Variants in BAZ2B observed in about 807,000 individuals in gnomAD.
BAZ2B encodes the protein bromodomain adjacent to zinc finger domain protein 2B.
Under a neutral mutation model 246.0 loss-of-function variants are expected in BAZ2B, and 91 were observed. The ratio of observed to expected loss-of-function variants is 0.37; its 90% confidence interval spans 0.31 to 0.44. The LOEUF (loss-of-function observed/expected upper bound fraction) is 0.44, where lower values mean the gene tolerates loss of function less well. Ranked by LOEUF, BAZ2B falls within the 20% of genes least tolerant of loss-of-function variation. BAZ2B has a pLI of 1.00. For missense variants in BAZ2B, 2,332 were observed against 2,533.7 expected (o/e 0.92, Z 1.71); for synonymous variants, 855 against 860.0 (o/e 0.99, Z 0.10).
chr2:159,676,775 G>T, the BAZ2B span, among the ~76,000 whole-genome samples: 1 of 151,766 alleles, frequency 6.6e-6, no homozygotes, highest in South Asian at 2.1e-4. Context: ...GGGAGTTATG[G>T]CTAAATGGTT....
At chr2:159,497,313 T>C (rs1577792041) in intron 2 of BAZ2B, among the ~76,000 whole-genome samples, 1 of 152,192 alleles carries the variant, frequency 6.6e-6, no homozygotes, top group African/African-American at 2.4e-5. Flanking sequence ...ACAGTTTTCA[T>C]AAAAGTTCCA....
chr2:159,637,757 T>A, the BAZ2B span, among the ~76,000 whole-genome samples: 1 of 152,114 alleles, frequency 6.6e-6, no homozygotes, highest in Admixed American at 6.5e-5. Context: ...AGACAGGGTT[T>A]CACCATGTTG....
chr2:159,593,692 T>C (rs1689929134), intron 1 of BAZ2B, among the ~76,000 whole-genome samples: 1 of 152,206 alleles, frequency 6.6e-6, no homozygotes, highest in Non-Finnish European at 1.5e-5. Flanking sequence ...GTCCAGCATA[T>C]CTACTCTATA....
At chr2:159,597,501 C>T (rs1178579094) in intron 1 of BAZ2B, among the ~76,000 whole-genome samples, 1 of 152,186 alleles carries the variant, frequency 6.6e-6, no homozygotes, top group Non-Finnish European at 1.5e-5. Context: ...TAGCTTCCTC[C>T]TCAGGTATGA....
chr2:159,414,536 G>A (rs2067330604), intron 13 of BAZ2B, among the ~76,000 whole-genome samples: 1 of 152,122 alleles, frequency 6.6e-6, no homozygotes, highest in Non-Finnish European at 1.5e-5. Context: ...ATCTCATGTG[G>A]CCGGGCGCGG....
In BAZ2B at chr2:159,438,461, C is replaced by G. The variant is rs1392077488; in HGVS notation, c.1135G>C (p.Gly379Arg). The G allele has an allele frequency of 6.2e-7, 1 of 1,614,038 alleles. No individual in the cohort carries two copies. Among genetic ancestry groups the G allele is most frequent in the Non-Finnish European group, 8.5e-7 (1 of 1,180,036 alleles). The change falls in exon 8 of 37, where the codon GGA becomes CGA. Residue 379 changes from glycine to arginine, a missense_variant. Transcript: ENST00000392783. The stretch of plus-strand genomic sequence containing the variant: ...AAAGGTTTCACATTGGACACCAATC[C>G]CGTAGACTGTATTACACTGGTGTGT... ...NKHTSVIQST[G>R]LVSNVKPLSL...
intron 2 of BAZ2B, among the ~76,000 whole-genome samples, chr2:159,495,280 T>G (rs982349264): frequency 1.3e-5 from 2 of 150,800 alleles, no homozygotes; most frequent in African/African-American, 4.9e-5. Context: ...GGTCAGGAGA[T>G]CGAGACCATC....
chr2:159,692,965 T>C, the BAZ2B span, among the ~76,000 whole-genome samples: 1 of 152,264 alleles, frequency 6.6e-6, no homozygotes, highest in African/African-American at 2.4e-5. Context: ...CGTGCCACCA[T>C]GCCAGTTAAT....
At chr2:159,338,204 C>G (rs1020341548) in intron 31 of BAZ2B, among the ~76,000 whole-genome samples, 1 of 152,078 alleles carries the variant, frequency 6.6e-6, no homozygotes, top group African/African-American at 2.4e-5. Context: ...TTCAAATATG[C>G]TATTACCTTT....
Position 159,431,134 on chromosome 2 carries a change from T to A in BAZ2B, c.1923A>T (p.Ser641=), listed in dbSNP as rs1209519866. The change falls in exon 10 of 37, where the codon TCA becomes TCT. Residue 641 remains serine (S), a synonymous_variant. Transcript: ENST00000392783. ...SQSESDSNSE[S]DTEGSEEEDD... ...CTTCTTCTTCTGATCCTTCTGTATC[T>A]GATTCTGAATTACTATCTGATTCTG... The A allele has an allele frequency of 3.1e-6, 5 of 1,606,424 alleles. No homozygotes were observed. Among genetic ancestry groups the A allele is most frequent in the East Asian group, 4.5e-5 (2 of 44,784 alleles).
chr2:159,449,370 A>T (rs1362408872), intron 4 of BAZ2B, among the ~76,000 whole-genome samples: 1 of 152,138 alleles, frequency 6.6e-6, no homozygotes, highest in Non-Finnish European at 1.5e-5. Context: ...GGTATTTTTC[A>T]TTGACTGTGA....
chr2:159,680,495 T>C, the BAZ2B span, among the ~76,000 whole-genome samples: 1 of 152,002 alleles, frequency 6.6e-6, no homozygotes, highest in Admixed American at 6.6e-5. Context: ...AGGTTCAAAG[T>C]CAAAACAAAC....
chr2:159,614,295 CAAAG>C (rs55855550), intron 1 of BAZ2B, among the ~76,000 whole-genome samples: 47,364 of 151,840 alleles, frequency 0.31, 9,253 homozygotes, highest in Admixed American at 0.48. Flanking sequence ...TAATGGCTGA[CAAAG>C]AGTTTATAGC....
intron 2 of BAZ2B, among the ~76,000 whole-genome samples, chr2:159,537,886 T>A (rs2086210969): frequency 6.6e-6 from 1 of 152,130 alleles, no homozygotes; most frequent in Non-Finnish European, 1.5e-5. Context: ...CATCTTTTTT[T>A]AGGAGCCTAT....
chr2:159,632,647 C>T, the BAZ2B span, among the ~76,000 whole-genome samples: 1 of 152,004 alleles, frequency 6.6e-6, no homozygotes, highest in African/African-American at 2.4e-5. Flanking sequence ...ATGTTTACGC[C>T]TCATATATAA....
At chr2:159,508,067 C>T (rs1455270605) in intron 2 of BAZ2B, among the ~76,000 whole-genome samples, 4 of 152,022 alleles carry the variant, frequency 2.6e-5, no homozygotes, top group Non-Finnish European at 5.9e-5. Context: ...GATGGGGTTT[C>T]GTCATGTTGG....
the BAZ2B span, among the ~76,000 whole-genome samples, chr2:159,699,238 A>G: frequency 2.0e-5 from 3 of 152,196 alleles, no homozygotes; most frequent in Non-Finnish European, 4.4e-5. Context: ...AAGCACATCA[A>G]CACTATTATT....
chr2:159,337,216 T>C (rs2148970383), intron 32 of BAZ2B, 139 bp from the exon 33 acceptor site: 1 of 1,164,186 alleles, frequency 8.6e-7, no homozygotes, highest in East Asian at 2.4e-5. Flanking sequence ...GCAACTAAAT[T>C]TGATGTAGTG....
At chr2:159,693,084 C>T in the BAZ2B span, 1 of 152,208 alleles carries the variant, frequency 6.6e-6, no homozygotes, top group African/African-American at 2.4e-5. Flanking sequence ...TGTAAGCCAC[C>T]ATGCCCAGCT....
Sources: allele counts gnomAD v4.1 joint callset (sites outside exome capture counted in the v4.1 genomes callset), GRCh38; gene constraint gnomAD v4.1.1; transcripts MANE v1.5; gene names NCBI Gene and HGNC (gene_info 2026-07-23, HGNC 2026-07-21).